TSGA10: variants seen among roughly 807,000 people sequenced by gnomAD.
TSGA10 encodes testis specific 10, also known as testis-specific gene 10 protein.
A neutral mutation model predicts 96.6 loss-of-function variants in TSGA10; 43 were observed. The observed-to-expected ratio is 0.44, with a 90% CI of 0.35 to 0.57. The LOEUF is 0.57. Ranked by LOEUF, TSGA10 falls within the 20% of genes least tolerant of loss-of-function variation. The pLI is 0.01. For synonymous variants in TSGA10, 229 were observed against 269.9 expected (o/e 0.85, Z 1.48); for missense variants, 703 against 834.4 (o/e 0.84, Z 1.94).
chr2:99,130,057 TCCAAGTCTTTA>T (rs1206275887), intron 1 of TSGA10, among the ~76,000 whole-genome samples: 2 of 152,214 alleles, frequency 1.3e-5, no homozygotes, highest in East Asian at 1.9e-4. Flanking sequence ...TTAGGTTGGT[TCCAAGTCTTTA>T]CTATTATGAA....
intron 1 of TSGA10, among the ~76,000 whole-genome samples, chr2:99,145,740 A>T (rs2093625184): frequency 2.0e-5 from 3 of 152,296 alleles, no homozygotes; most frequent in Middle Eastern, 3.4e-3. Flanking sequence ...TATTCTGCCT[A>T]CCACAGCTGG....
intron 10 of TSGA10, among the ~76,000 whole-genome samples, chr2:99,096,102 C>G (rs2090002809): frequency 6.6e-6 from 1 of 151,998 alleles, no homozygotes. Context: ...CAAAATATAA[C>G]TTTATTACTG....
At chr2:99,120,122 TAA>T (rs2092493195) in intron 2 of TSGA10, among the ~76,000 whole-genome samples, 1 of 152,180 alleles carries the variant, frequency 6.6e-6, no homozygotes, top group Admixed American at 6.5e-5. Context: ...CTAAACAACT[TAA>T]AAGACTGTAT....
chr2:99,019,607 T>C (rs896624864), intron 18 of TSGA10, among the ~76,000 whole-genome samples: 6 of 152,112 alleles, frequency 3.9e-5, no homozygotes, highest in African/African-American at 1.4e-4. Flanking sequence ...TGACCTCAGA[T>C]GTGAGGACAG....
At chr2:99,100,361 C>G (rs994938523) in intron 10 of TSGA10, among the ~76,000 whole-genome samples, 74 of 152,186 alleles carry the variant, frequency 4.9e-4, no homozygotes, top group African/African-American at 1.7e-3. Flanking sequence ...ATTATTGACC[C>G]TAGAAATAAA....
chr2:99,013,352 G>C (rs1399039683), intron 20 of TSGA10, among the ~76,000 whole-genome samples: 2 of 151,868 alleles, frequency 1.3e-5, no homozygotes. Context: ...TAATTTTTTT[G>C]AGATGTAATC....
chr2:99,150,538 C>T (rs749418173), intron 1 of TSGA10: 8 of 1,599,732 alleles, frequency 5.0e-6, no homozygotes, highest in Non-Finnish European at 6.8e-6. Flanking sequence ...AAATTACTTT[C>T]ACATTTGTTC....
chr2:99,071,300 A>G (rs1260582531), intron 14 of TSGA10, among the ~76,000 whole-genome samples: 1 of 152,186 alleles, frequency 6.6e-6, no homozygotes, highest in Non-Finnish European at 1.5e-5. Context: ...CCTAAAAAGA[A>G]TCACAGTGCT....
chr2:99,059,967 C>G (rs890048219), intron 16 of TSGA10, among the ~76,000 whole-genome samples: 2 of 147,122 alleles, frequency 1.4e-5, no homozygotes, highest in Non-Finnish European at 3.0e-5. Context: ...ATATCATATT[C>G]AAAGATGAAA....
At chr2:99,061,362 G>C (rs1258773754) in intron 16 of TSGA10, among the ~76,000 whole-genome samples, 1 of 152,146 alleles carries the variant, frequency 6.6e-6, no homozygotes. Context: ...ACAATACCAA[G>C]TGTGGGAGAA....
At chr2:99,052,986 CGA>C (rs2083564990) in intron 16 of TSGA10, among the ~76,000 whole-genome samples, 1 of 151,742 alleles carries the variant, frequency 6.6e-6, no homozygotes, top group Non-Finnish European at 1.5e-5. Context: ...AGTTTGAGCC[CGA>C]GAGACAGATA....
In TSGA10 at chr2:99,053,411, C is replaced by T. The variant is rs566321538; in HGVS notation, c.1404+11528G>A. ...GATAACATGTTAAAAGGATCATACACCATAATCAAGTAGCATTTATCCCTG... is the reference window on the plus strand; with the variant it reads ...GATAACATGTTAAAAGGATCATACATCATAATCAAGTAGCATTTATCCCTG... On this transcript the variant is annotated intron_variant, in intron 16 of 20. Coordinates refer to ENST00000393483, the MANE Select transcript of TSGA10 (RefSeq NM_025244.4). Among the ~76,000 whole-genome samples the T allele has an allele frequency of 2.4e-4, 37 of 151,414 alleles. 1 individual carries two copies. In the South Asian group the frequency reaches 7.5e-3, roughly 31 times the overall value.
chr2:99,017,082 G>A (rs2079571324), intron 20 of TSGA10, among the ~76,000 whole-genome samples: 1 of 152,116 alleles, frequency 6.6e-6, no homozygotes, highest in Admixed American at 6.5e-5. Flanking sequence ...CAACCACTAA[G>A]GAAAACAGTA....
At chr2:99,096,472 T>C (rs1024227872) in intron 10 of TSGA10, among the ~76,000 whole-genome samples, 2 of 152,246 alleles carry the variant, frequency 1.3e-5, no homozygotes, top group African/African-American at 2.4e-5. Context: ...TTCAATTATG[T>C]TGATAAGGTT....
chr2:99,036,101 T>C (rs1276024325), intron 16 of TSGA10, among the ~76,000 whole-genome samples: 6 of 152,150 alleles, frequency 3.9e-5, no homozygotes, highest in African/African-American at 1.4e-4. Context: ...AAATGTCTTA[T>C]GTAAGTGCAC....
rs796848327 is a variant in TSGA10 at position 99,064,051 on chromosome 2, T to C, written c.1404+888A>G. On this transcript the variant is annotated intron_variant, in intron 16 of 20. Coordinates refer to ENST00000393483, the MANE Select transcript of TSGA10 (RefSeq NM_025244.4). ...TGAGAAAATAACTCAGGATTTCTTA[T>C]GGCAGAATGACACTTTAGAGAGCAA... 2.6e-5 allele frequency among the ~76,000 whole-genome samples: 4 copies of C among 152,178 alleles called. No individual in the cohort carries two copies. In the South Asian group the frequency reaches 6.2e-4, roughly 24 times the overall value.
intron 4 of TSGA10, among the ~76,000 whole-genome samples, chr2:99,112,367 T>A (rs2104868276): frequency 6.6e-6 from 1 of 152,288 alleles, no homozygotes; most frequent in South Asian, 2.1e-4. Flanking sequence ...TTGAGTTAAG[T>A]AAACAAGAGA....
intron 20 of TSGA10, among the ~76,000 whole-genome samples, chr2:99,013,574 G>A (rs954110722): frequency 4.6e-5 from 7 of 151,426 alleles, no homozygotes; most frequent in Admixed American, 6.6e-5. Context: ...GTCGTGATCC[G>A]CCTGCCTCCG....
In TSGA10 at chr2:99,105,603, TCC is replaced by T; in HGVS notation, c.303_304del (p.Glu102AspfsTer2). 1 of 1,610,842 alleles carries T rather than the reference TCC, an allele frequency of 6.2e-7. No homozygotes were observed. The highest frequency in any genetic ancestry group is 8.5e-7 in the Non-Finnish European group (1 of 1,177,182). Reference sequence around the variant, plus strand: ...AGTAAAGGCTACATCTCTTTCAGTCTCCACTCGCCGGAGAATAGCATGTGCCG... The same window carrying T: ...AGTAAAGGCTACATCTCTTTCAGTCTACTCGCCGGAGAATAGCATGTGCCG... On this transcript the variant is annotated frameshift_variant, in exon 8 of 21. Coordinates refer to ENST00000393483, the MANE Select transcript of TSGA10 (RefSeq NM_025244.4). LOFTEE classifies it high-confidence loss of function.
Sources: gnomAD v4.1 joint callset for allele counts (sites outside exome capture counted in the v4.1 genomes callset) on GRCh38, gnomAD v4.1.1 for gene constraint, MANE v1.5 for transcripts, NCBI Gene and HGNC (gene_info 2026-07-23, HGNC 2026-07-21) for gene names.